FBXL12: variants seen among roughly 807,000 people sequenced by gnomAD.
FBXL12 encodes F-box/LRR-repeat protein 12.
A neutral mutation model predicts 24.9 loss-of-function variants in FBXL12; 22 were observed. That is an observed-to-expected ratio of 0.88 (90% confidence interval 0.63 to 1.26). The LOEUF (loss-of-function observed/expected upper bound fraction) is 1.26, where lower values mean the gene tolerates loss of function less well. Among genes scored for constraint, FBXL12 ranks in the 50% most tolerant of loss-of-function variants. The pLI is 0.00. For missense variants in FBXL12, 384 were observed against 434.1 expected (o/e 0.88, Z 1.03); for synonymous variants, 193 against 193.8 (o/e 1.00, Z 0.03).
chr19:9,812,755 A>G (rs1365042888), intron 2 of FBXL12, among the ~76,000 whole-genome samples: 1 of 134,940 alleles, frequency 7.4e-6, no homozygotes, highest in African/African-American at 3.1e-5. Flanking sequence ...AATTAGGTCT[A>G]TGTTAAAAAA....
chr19:9,810,760 C>T lies in FBXL12; in HGVS notation c.*136G>A. 1 of 656,816 alleles carries T rather than the reference C, an allele frequency of 1.5e-6. No individual in the cohort carries two copies. Among genetic ancestry groups the T allele is most frequent in the Middle Eastern group, 4.4e-4 (1 of 2,288 alleles). 40.7% of individuals were successfully genotyped at this position (656,816 alleles called of 1,614,324 possible). On this transcript the variant is annotated 3_prime_UTR_variant, in exon 3 of 3. Coordinates refer to ENST00000247977, the MANE Select transcript of FBXL12 (RefSeq NM_017703.3). ...ACAGTGATTCCAATGGTCTGGAGGTCCCTAGGCCTCTGTTCTCTCAACCTG... is the reference window on the plus strand; with the variant it reads ...ACAGTGATTCCAATGGTCTGGAGGTTCCTAGGCCTCTGTTCTCTCAACCTG...
Position 9,811,081 on chromosome 19 carries a change from G to A in FBXL12, c.796C>T (p.Pro266Ser), listed in dbSNP as rs370622099. Residue 266 changes from proline (P) to serine (S), a missense_variant, in exon 3 of 3, where the codon CCA (proline) becomes TCA (serine). Physicochemically the swap from Pro to Ser is moderately conservative, Grantham distance 74. Transcript: ENST00000247977. This position sits in a 1 kb window ranked among gnomAD's most constrained non-coding sequence, Gnocchi z 6.0. The stretch of plus-strand genomic sequence containing the variant: ...ATTTCAGTGGGGGAGGGCATTTCTG[G>A]GGTGACGAGGGGACCCTGCAGGCAC... Reference protein sequence around the residue: ...SLCLQGPLVTPEMPSPTEILS... With the variant: ...SLCLQGPLVTSEMPSPTEILS... 6.2e-7 allele frequency: 1 copy of A among 1,611,022 alleles called. No homozygotes were observed. The highest frequency in any genetic ancestry group is 8.5e-7 in the Non-Finnish European group (1 of 1,177,590).
At chr19:9,812,902 C>T (rs1341243991) in intron 2 of FBXL12, among the ~76,000 whole-genome samples, 2 of 151,908 alleles carry the variant, frequency 1.3e-5, no homozygotes, top group East Asian at 1.9e-4. Flanking sequence ...GGAGAAACCC[C>T]GTCTCTACTA....
intron 2 of FBXL12, among the ~76,000 whole-genome samples, chr19:9,816,416 C>CTT (rs1313311768): frequency 2.6e-5 from 4 of 152,184 alleles, no homozygotes; most frequent in Non-Finnish European, 5.9e-5. Flanking sequence ...GAATGCTTTG[C>CTT]CACTTAGAAA....
At chr19:9,812,146 T>A (rs1200555216) in intron 2 of FBXL12, among the ~76,000 whole-genome samples, 4 of 152,076 alleles carry the variant, frequency 2.6e-5, no homozygotes, top group Non-Finnish European at 4.4e-5. Context: ...CAGGCTGGTC[T>A]CCAACTCCTG....
chr19:9,813,736 C>T (rs2045814546), intron 2 of FBXL12, among the ~76,000 whole-genome samples: 1 of 152,048 alleles, frequency 6.6e-6, no homozygotes, highest in Non-Finnish European at 1.5e-5. Context: ...AATCTCCTGA[C>T]CTCGTGATCC....
Position 9,818,599 on chromosome 19 carries a change from C to A in FBXL12, c.105G>T (p.Lys35Asn), listed in dbSNP as rs1436883347. ...ACAGCCACCGGTCGTCCACCAGCCT[C>A]TTCCAGCGGTGACAGACCCTGGGGG... is the stretch of plus-strand genomic sequence containing the variant. ...IRISRVCHRW[K>N]RLVDDRWLWR... The change falls in exon 2 of 3, where the codon AAG becomes AAT. Residue 35 changes from lysine to asparagine, a missense_variant. Coordinates refer to ENST00000247977, the MANE Select transcript of FBXL12 (RefSeq NM_017703.3). 1 of 1,556,030 alleles carries A rather than the reference C, an allele frequency of 6.4e-7. No homozygotes were observed. The highest frequency in any genetic ancestry group is 8.7e-7 in the Non-Finnish European group (1 of 1,150,746).
chr19:9,810,795 G>A lies in FBXL12; in HGVS notation c.*101C>T, dbSNP rs188502272. 34 of 958,844 alleles carry A rather than the reference G, an allele frequency of 3.5e-5. No individual in the cohort carries two copies. The Admixed American group carries it at 9.8e-4, about 28-fold the overall frequency. 59.4% of individuals were successfully genotyped at this position (958,844 alleles called of 1,614,324 possible). ...CTGTTCTCTCAACCTGGGGCTTTCA[G>A]TTTCCTCAAGTCTGATTATCTGCCC... On this transcript the variant is annotated 3_prime_UTR_variant, in exon 3 of 3. Transcript: ENST00000247977.
In FBXL12 at chr19:9,810,810, A is replaced by G. The variant is rs1171164788; in HGVS notation, c.*86T>C. The stretch of plus-strand genomic sequence containing the variant: ...GGGGCTTTCAGTTTCCTCAAGTCTG[A>G]TTATCTGCCCTCTTCAAGGTGCTGC... On this transcript the variant is annotated 3_prime_UTR_variant, in exon 3 of 3. Transcript: ENST00000247977. 1.0e-5 allele frequency: 11 copies of G among 1,099,486 alleles called. No individual in the cohort carries two copies. The highest frequency in any genetic ancestry group is 1.4e-5 in the Non-Finnish European group (11 of 776,040). 68.1% of individuals were successfully genotyped at this position (1,099,486 alleles called of 1,614,324 possible).
In FBXL12 at chr19:9,810,887, G is replaced by T; in HGVS notation, c.*9C>A. On this transcript the variant is annotated 3_prime_UTR_variant, in exon 3 of 3. Transcript: ENST00000247977. ...AAACTGGGATGGGTCCCAAGGGCAG[G>T]TGGAGTAGTTACATCCACCAGTCCA... 2 of 1,568,610 alleles carry T rather than the reference G, an allele frequency of 1.3e-6. No individual in the cohort carries two copies. Among genetic ancestry groups the T allele is most frequent in the Non-Finnish European group, 1.7e-6 (2 of 1,149,346 alleles).
At chr19:9,815,698 A>G (rs1568346975) in intron 2 of FBXL12, among the ~76,000 whole-genome samples, 1 of 147,294 alleles carries the variant, frequency 6.8e-6, no homozygotes, top group Non-Finnish European at 1.5e-5. Context: ...CTTGTCACCC[A>G]GGCTGGAATG....
intron 2 of FBXL12, among the ~76,000 whole-genome samples, chr19:9,815,579 T>C (rs373278376): frequency 1.3e-5 from 2 of 152,114 alleles, no homozygotes; most frequent in South Asian, 2.1e-4. Context: ...CCCACCCCTG[T>C]AGCAAACTTT....
In FBXL12 at chr19:9,818,612, C is replaced by A; in HGVS notation, c.92G>T (p.Cys31Phe). 1.3e-6 allele frequency: 2 copies of A among 1,554,898 alleles called. No homozygotes were observed. Among genetic ancestry groups the A allele is most frequent in the East Asian group, 2.4e-5 (1 of 41,526 alleles). ...GTCCACCAGCCTCTTCCAGCGGTGACAGACCCTGGGGGAGGGGACGCGCGG... is the reference window on the plus strand; with the variant it reads ...GTCCACCAGCCTCTTCCAGCGGTGAAAGACCCTGGGGGAGGGGACGCGCGG... ...VRDRIRISRV[C>F]HRWKRLVDDR... The change falls in exon 2 of 3, where the codon TGT becomes TTT. Residue 31 changes from cysteine to phenylalanine, a missense_variant. Physicochemically the swap from Cys to Phe is radical, Grantham distance 205 (BLOSUM62 -2). Transcript: ENST00000247977.
chr19:9,818,639 T>G, intron 1 of FBXL12, 22 bp from the exon 2 acceptor site: 1 of 1,551,402 alleles, frequency 6.4e-7, no homozygotes, highest in Non-Finnish European at 8.7e-7. Context: ...GACGCGCGGT[T>G]AGAACGACCC....
At chr19:9,812,081 C>T (rs541621178) in intron 2 of FBXL12, among the ~76,000 whole-genome samples, 1 of 152,098 alleles carries the variant, frequency 6.6e-6, no homozygotes, top group African/African-American at 2.4e-5. Context: ...ACTTCTGACA[C>T]ATGCCCAGCT....
chr19:9,811,229 G>A lies in FBXL12; in HGVS notation c.648C>T (p.Ala216=), dbSNP rs368697140. The change falls in exon 3 of 3, where the codon GCC becomes GCT. Residue 216 remains alanine, a synonymous_variant. Coordinates refer to ENST00000247977, the MANE Select transcript of FBXL12 (RefSeq NM_017703.3). This position sits in a 1 kb window ranked among gnomAD's most constrained non-coding sequence, Gnocchi z 6.0. The part of the protein sequence containing the change: ...RLEVLGCTLS[A]DSTLLAISRH... Reference sequence around the variant, plus strand: ...GGCTGATGGCCAGCAGGGTGCTGTCGGCAGACAGGGTGCAGCCCAGCACCT... The same window carrying A: ...GGCTGATGGCCAGCAGGGTGCTGTCAGCAGACAGGGTGCAGCCCAGCACCT... 50 of 1,612,956 alleles carry A rather than the reference G, an allele frequency of 3.1e-5. No individual in the cohort carries two copies. Among genetic ancestry groups the A allele is most frequent in the African/African-American group, 2.5e-4 (19 of 74,918 alleles).
chr19:9,818,480 G>T, intron 2 of FBXL12, 65 bp downstream of exon 2: 1 of 1,494,454 alleles, frequency 6.7e-7, no homozygotes, highest in Non-Finnish European at 9.0e-7. Context: ...CAGGGTGGGA[G>T]AGGTGGTCTT....
chr19:9,815,739 T>C (rs950628307), intron 2 of FBXL12, among the ~76,000 whole-genome samples: 7 of 151,932 alleles, frequency 4.6e-5, no homozygotes, highest in African/African-American at 9.7e-5. Flanking sequence ...ACTGCAACCT[T>C]TGCCTCCCGG....
chr19:9,814,575 T>C (rs1399456630), intron 2 of FBXL12: 1 of 151,154 alleles, frequency 6.6e-6, no homozygotes, highest in Non-Finnish European at 1.5e-5. Context: ...CACGTGCCTG[T>C]AGTCCCAGCT....
Sources: allele counts gnomAD v4.1 joint callset (sites outside exome capture counted in the v4.1 genomes callset), GRCh38; gene constraint gnomAD v4.1.1; non-coding constraint Gnocchi (gnomAD v3.1); transcripts MANE v1.5; gene names NCBI Gene and HGNC (gene_info 2026-07-23, HGNC 2026-07-21).